The following SPRED1 variants were observed in gnomAD, a reference collection of about 807,000 sequenced individuals.
SPRED1 encodes the protein sprouty related EVH1 domain containing 1.
A neutral mutation model predicts 52.3 loss-of-function variants in SPRED1; 18 were observed. The ratio of observed to expected loss-of-function variants is 0.34; its 90% CI spans 0.24 to 0.51. The LOEUF is 0.51. Ranked by LOEUF, SPRED1 falls within the 20% of genes least tolerant of loss-of-function variation. SPRED1 has a pLI of 0.97. For synonymous variants in SPRED1, 155 were observed against 179.7 expected (o/e 0.86, Z 1.10); for missense variants, 485 against 551.0 (o/e 0.88, Z 1.20).
intron 2 of SPRED1, among the ~76,000 whole-genome samples, chr15:38,299,778 C>T (rs780061308): frequency 3.3e-5 from 5 of 151,820 alleles, no homozygotes; most frequent in Non-Finnish European, 7.4e-5. Flanking sequence ...ACGCTTAATG[C>T]AGGAGTTAAT....
intron 3 of SPRED1, among the ~76,000 whole-genome samples, chr15:38,324,359 C>T (rs1417915156): frequency 6.6e-6 from 1 of 152,148 alleles, no homozygotes; most frequent in African/African-American, 2.4e-5. Context: ...CAACTAAAAT[C>T]CTGGTTATGG....
chr15:38,293,540 C>G (rs1459234604), intron 1 of SPRED1, among the ~76,000 whole-genome samples: 1 of 152,148 alleles, frequency 6.6e-6, no homozygotes, highest in East Asian at 1.9e-4. Flanking sequence ...TCTTTCTAAT[C>G]AAACTCAGCT....
intron 3 of SPRED1, among the ~76,000 whole-genome samples, 170 bp from the exon 4 acceptor site, chr15:38,324,593 A>G (rs548225952): frequency 3.1e-4 from 47 of 152,304 alleles, no homozygotes; most frequent in Non-Finnish European, 6.3e-4. Flanking sequence ...ATTATTCTCC[A>G]TTATTCTAAC....
intron 4 of SPRED1, among the ~76,000 whole-genome samples, chr15:38,331,380 C>G (rs571568873): frequency 6.6e-6 from 1 of 151,992 alleles, no homozygotes; most frequent in East Asian, 1.9e-4. Context: ...TTTCTCACCA[C>G]CTAATTTTAT....
At chr15:38,328,746 G>T (rs1341040655) in intron 4 of SPRED1, among the ~76,000 whole-genome samples, 2 of 152,122 alleles carry the variant, frequency 1.3e-5, no homozygotes, top group Non-Finnish European at 2.9e-5. Flanking sequence ...TTGAGACAGG[G>T]TCTTACTCTG....
chr15:38,346,396 CA>C (rs1231667271), intron 5 of SPRED1, among the ~76,000 whole-genome samples: 1 of 152,042 alleles, frequency 6.6e-6, no homozygotes, highest in African/African-American at 2.4e-5. Context: ...TTCTTTAACT[CA>C]GTTTCTCTTA....
intron 5 of SPRED1, among the ~76,000 whole-genome samples, chr15:38,346,687 T>C (rs1233611722): frequency 1.3e-5 from 2 of 152,210 alleles, no homozygotes; most frequent in Non-Finnish European, 2.9e-5. Flanking sequence ...CAGGTTTTTA[T>C]TGTTACAGGC....
At chr15:38,270,482 C>T (rs1321599723) in intron 1 of SPRED1, among the ~76,000 whole-genome samples, 1 of 152,180 alleles carries the variant, frequency 6.6e-6, no homozygotes, top group Non-Finnish European at 1.5e-5. Context: ...AATTAACTCA[C>T]AGTTCTGTAG....
intron 1 of SPRED1, among the ~76,000 whole-genome samples, chr15:38,255,636 T>C (rs1409474703): frequency 6.6e-6 from 1 of 152,200 alleles, no homozygotes; most frequent in Non-Finnish European, 1.5e-5. Context: ...TAGTAATTTA[T>C]GTCTCATCTT....
At chr15:38,320,336 A>C (rs1471416600) in intron 2 of SPRED1, among the ~76,000 whole-genome samples, 1 of 152,192 alleles carries the variant, frequency 6.6e-6, no homozygotes, top group Non-Finnish European at 1.5e-5. Context: ...GTATTGGTTG[A>C]GTACCTAATG....
intron 1 of SPRED1, among the ~76,000 whole-genome samples, chr15:38,264,798 G>A (rs992887769): frequency 2.0e-5 from 3 of 152,148 alleles, no homozygotes; most frequent in African/African-American, 7.2e-5. Flanking sequence ...GATAAGAAAA[G>A]GGAAGGGTTT....
intron 1 of SPRED1, among the ~76,000 whole-genome samples, chr15:38,256,188 CT>C (rs1894092069): frequency 1.3e-5 from 2 of 152,042 alleles, no homozygotes; most frequent in Non-Finnish European, 1.5e-5. Flanking sequence ...GTTTAAAAAT[CT>C]TACTTTTCAA....
chr15:38,277,186 A>T (rs1486426755), intron 1 of SPRED1, among the ~76,000 whole-genome samples: 9 of 152,134 alleles, frequency 5.9e-5, no homozygotes, highest in African/African-American at 2.2e-4. Context: ...GGTAAATTTT[A>T]TGACACGGGG....
intron 1 of SPRED1, among the ~76,000 whole-genome samples, chr15:38,275,776 G>A (rs555218031): frequency 2.0e-5 from 3 of 152,284 alleles, no homozygotes; most frequent in South Asian, 2.1e-4. Context: ...GATTACAGGC[G>A]TGAGCCAGTG....
intron 2 of SPRED1, among the ~76,000 whole-genome samples, chr15:38,320,362 A>G (rs1895577132): frequency 2.0e-5 from 3 of 152,170 alleles, no homozygotes; most frequent in African/African-American, 4.8e-5. Flanking sequence ...CTGCCACTGT[A>G]GTTTAAGGAT....
At chr15:38,277,892 G>A (rs1415333208) in intron 1 of SPRED1, among the ~76,000 whole-genome samples, 1 of 125,840 alleles carries the variant, frequency 7.9e-6, no homozygotes, top group Admixed American at 8.9e-5. Flanking sequence ...ATGTGTTTAT[G>A]CTTGTTCATG....
chr15:38,342,068 A>G (rs1247206863), intron 5 of SPRED1, among the ~76,000 whole-genome samples: 3 of 132,638 alleles, frequency 2.3e-5, no homozygotes, highest in African/African-American at 8.3e-5. Context: ...TTGTCTTTTA[A>G]TTGGAGTATT....
intron 2 of SPRED1, 102 bp from the exon 3 acceptor site, chr15:38,322,139 A>G: frequency 1.8e-6 from 2 of 1,136,300 alleles, no homozygotes; most frequent in Non-Finnish European, 2.6e-6. Context: ...AAAATTATTC[A>G]TTAAAAAGTA....
intron 1 of SPRED1, among the ~76,000 whole-genome samples, chr15:38,261,543 G>A (rs1428355472): frequency 1.3e-5 from 2 of 152,074 alleles, no homozygotes; most frequent in East Asian, 3.9e-4. Flanking sequence ...TGTATGACAG[G>A]AGTTATAATT....
Sources: gnomAD v4.1 joint callset for allele counts (sites outside exome capture counted in the v4.1 genomes callset) on GRCh38, gnomAD v4.1.1 for gene constraint, MANE v1.5 for transcripts, NCBI Gene and HGNC (gene_info 2026-07-23, HGNC 2026-07-21) for gene names.